TRERF1: variants seen among roughly 807,000 people sequenced by gnomAD.
TRERF1 encodes the protein transcriptional-regulating factor 1.
Under a neutral mutation model 122.9 loss-of-function variants are expected in TRERF1, and 27 were observed. That is an observed-to-expected ratio of 0.22 (90% CI 0.16 to 0.30). The LOEUF is 0.30. Among genes scored for constraint, TRERF1 ranks in the 10% least tolerant of loss-of-function variants. The pLI, the probability that TRERF1 is intolerant of heterozygous loss-of-function variation, is 1.00. For synonymous variants in TRERF1, 636 were observed against 641.7 expected, an observed-to-expected ratio of 0.99 and a Z score of 0.13; for missense variants, 1,248 against 1,560.3, an observed-to-expected ratio of 0.80 and a Z score of 3.37.
intron 4 of TRERF1, among the ~76,000 whole-genome samples, chr6:42,291,450 C>CT (rs1305853879): frequency 7.2e-6 from 1 of 138,648 alleles, no homozygotes; most frequent in Non-Finnish European, 1.5e-5. Context: ...GCACTTTACA[C>CT]TAAAAAAAAA....
chr6:42,337,745 G>A (rs927656143), intron 3 of TRERF1, among the ~76,000 whole-genome samples: 1 of 152,200 alleles, frequency 6.6e-6, no homozygotes, highest in African/African-American at 2.4e-5. Flanking sequence ...CAAAGGCATG[G>A]AGGTGGGAAA....
At chr6:42,429,442 C>A (rs1320541663) in intron 2 of TRERF1, among the ~76,000 whole-genome samples, 2 of 152,168 alleles carry the variant, frequency 1.3e-5, no homozygotes, top group Non-Finnish European at 2.9e-5. Context: ...GAAGGAAGCA[C>A]CCCCTGCTAC....
chr6:42,448,282 G>C (rs1787892203), intron 2 of TRERF1, among the ~76,000 whole-genome samples: 1 of 152,182 alleles, frequency 6.6e-6, no homozygotes, highest in Admixed American at 6.5e-5. Flanking sequence ...CCAAGGATTA[G>C]ACAAGTTAAC....
chr6:42,346,850 C>T (rs917360234), intron 3 of TRERF1, among the ~76,000 whole-genome samples: 2 of 152,098 alleles, frequency 1.3e-5, no homozygotes, highest in African/African-American at 4.8e-5. Flanking sequence ...TGTCATTGCT[C>T]GTTAGCACCC....
chr6:42,407,539 G>A (rs1029431518), intron 2 of TRERF1, among the ~76,000 whole-genome samples: 3 of 152,068 alleles, frequency 2.0e-5, no homozygotes, highest in African/African-American at 7.2e-5. Flanking sequence ...TAATTTGTGG[G>A]TGTCACCATT....
At chr6:42,383,038 T>C (rs910100025) in intron 2 of TRERF1, among the ~76,000 whole-genome samples, 2 of 152,044 alleles carry the variant, frequency 1.3e-5, no homozygotes, top group Non-Finnish European at 2.9e-5. Flanking sequence ...AACATATTGA[T>C]AGCAAGACCC....
chr6:42,277,799 T>C (rs537444515), intron 4 of TRERF1, among the ~76,000 whole-genome samples: 156 of 150,366 alleles, frequency 1.0e-3, no homozygotes, highest in African/African-American at 3.6e-3. Context: ...GTGGTGATTA[T>C]ACCACTGCAT....
rs547335169 is a variant in TRERF1 at position 42,228,524 on chromosome 6, G to C, written c.3424C>G (p.Pro1142Ala). 1 of 1,614,160 alleles carries C rather than the reference G, an allele frequency of 6.2e-7. No homozygotes were observed. The highest frequency in any genetic ancestry group is 1.1e-5 in the South Asian group (1 of 91,084). Residue 1142 changes from proline (P) to alanine (A), a missense_variant, in exon 18 of 18, where the codon CCG (proline) becomes GCG (alanine). Pro to Ala is a conservative substitution (Grantham distance 27). Coordinates refer to ENST00000372922, the Ensembl canonical transcript of TRERF1. This position sits in a 1 kb window ranked among gnomAD's most constrained non-coding sequence, Gnocchi z 4.2. The stretch of plus-strand genomic sequence containing the variant: ...AGCTGGTCCAGGGGCAGCAGCCCCG[G>C]CGCCCCCACGGGCCCCGTAGTCCTC...
At chr6:42,419,037 T>C (rs1190098110) in intron 2 of TRERF1, among the ~76,000 whole-genome samples, 2 of 152,180 alleles carry the variant, frequency 1.3e-5, no homozygotes, top group East Asian at 3.8e-4. Context: ...TCAAGCTACG[T>C]TACAACCCGG....
Position 42,393,823 on chromosome 6 carries a change from GT to G in TRERF1, c.-453-30745del, listed in dbSNP as rs1017464173. Among the ~76,000 whole-genome samples the G allele has an allele frequency of 1.4e-4, 21 of 149,668 alleles. No homozygotes were observed. Among genetic ancestry groups the G allele is most frequent in the African/African-American group, 5.2e-4 (21 of 40,690 alleles). ...ACAACTAGGAAATCCTCACAATAGA[GT>G]TTTTAAAGCACATTACATAACAATA... On this transcript the variant is annotated intron_variant, in intron 2 of 17. Coordinates refer to ENST00000372922, the Ensembl canonical transcript of TRERF1. The surrounding 1 kb of genome is among the most constrained non-coding windows in gnomAD (Gnocchi z 4.1).
rs1427172980 is a variant in TRERF1, at chr6:42,417,922, A to AAC, written c.-454+33253_-454+33254dup. 2.0e-5 allele frequency among the ~76,000 whole-genome samples: 3 copies of AAC among 152,332 alleles called. No individual in the cohort carries two copies. The East Asian group carries it at 5.8e-4, about 29-fold the overall frequency. On this transcript the variant is annotated intron_variant, in intron 2 of 17. Coordinates refer to ENST00000372922, the Ensembl canonical transcript of TRERF1. ...TGCGCTGATGCCACAAGTGACAATG[A>AAC]ACACACACACATACAATTCCAGGCT...
At chr6:42,412,708 T>C (rs1241319287) in intron 2 of TRERF1, among the ~76,000 whole-genome samples, 1 of 152,116 alleles carries the variant, frequency 6.6e-6, no homozygotes, top group East Asian at 1.9e-4. Context: ...GAGGATCACT[T>C]GAGGCCAGGA....
intron 3 of TRERF1, among the ~76,000 whole-genome samples, chr6:42,322,847 A>G (rs1763669094): frequency 2.0e-5 from 3 of 152,094 alleles, no homozygotes; most frequent in Non-Finnish European, 4.4e-5. Flanking sequence ...CTTTCTGCCT[A>G]TTCTTGGATC....
intron 8 of TRERF1, among the ~76,000 whole-genome samples, chr6:42,262,605 C>CAGAGAGAG (rs1778382356): frequency 1.0e-4 from 6 of 59,416 alleles, no homozygotes; most frequent in South Asian, 5.3e-4. Context: ...GAGAGACAGA[C>CAGAGAGAG]AGACGGAAAC....
chr6:42,409,962 T>C lies in TRERF1; in HGVS notation c.-454+41215A>G, dbSNP rs7753841. Among the ~76,000 whole-genome samples the C allele has an allele frequency of 1.2e-3, 181 of 152,352 alleles. 1 individual carries two copies. Among genetic ancestry groups the C allele is most frequent in the African/African-American group, 3.8e-3 (159 of 41,582 alleles). ...ATAATGCATATGTAATTATTTCCAGTATTTTTCTACATCCACTGAGACCAA... is the reference window on the plus strand; with the variant it reads ...ATAATGCATATGTAATTATTTCCAGCATTTTTCTACATCCACTGAGACCAA... On this transcript the variant is annotated intron_variant, in intron 2 of 17. Coordinates refer to ENST00000372922, the Ensembl canonical transcript of TRERF1.
intron 2 of TRERF1, among the ~76,000 whole-genome samples, chr6:42,378,461 T>G (rs866851108): frequency 6.6e-6 from 1 of 152,064 alleles, no homozygotes; most frequent in East Asian, 1.9e-4. Context: ...TTTTTTAAAC[T>G]GTCACCTTTA....
chr6:42,438,134 C>T (rs1312885457), intron 2 of TRERF1, among the ~76,000 whole-genome samples: 1 of 151,524 alleles, frequency 6.6e-6, no homozygotes, highest in Non-Finnish European at 1.5e-5. Context: ...GTTGGCCAGG[C>T]TGGTCTCGAA....
intron 4 of TRERF1, among the ~76,000 whole-genome samples, chr6:42,271,983 T>C (rs1381264705): frequency 6.6e-6 from 1 of 152,198 alleles, no homozygotes; most frequent in Non-Finnish European, 1.5e-5. Flanking sequence ...CATGCGTTTT[T>C]AAAATGGATG....
chr6:42,394,161 T>C (rs1320460046), intron 2 of TRERF1, among the ~76,000 whole-genome samples: 4 of 151,972 alleles, frequency 2.6e-5, no homozygotes, highest in African/African-American at 9.7e-5. Flanking sequence ...CCCTCTAGGG[T>C]GAAGGTCCAG....
Sources: allele counts gnomAD v4.1 joint callset (sites outside exome capture counted in the v4.1 genomes callset), GRCh38; gene constraint gnomAD v4.1.1; non-coding constraint Gnocchi (gnomAD v3.1); transcripts MANE v1.5; gene names NCBI Gene and HGNC (gene_info 2026-07-23, HGNC 2026-07-21).